ULK4: variants seen among roughly 807,000 people sequenced by gnomAD.
ULK4 encodes inactive serine/threonine-protein kinase ULK4.
In ULK4, 133 loss-of-function variants were observed where a neutral mutation model predicts 160.6. The ratio of observed to expected loss-of-function variants is 0.83; its 90% CI spans 0.72 to 0.96. The LOEUF is 0.96. Among genes scored for constraint, ULK4 ranks in the 40% least tolerant of loss-of-function variants. The pLI is 0.00. For missense variants in ULK4, 1,580 were observed against 1,499.5 expected (o/e 1.05, Z -0.89); for synonymous variants, 534 against 539.8 (o/e 0.99, Z 0.15).
intron 36 of ULK4, among the ~76,000 whole-genome samples, chr3:41,248,348 C>T (rs939150651): frequency 1.3e-5 from 2 of 152,174 alleles, no homozygotes; most frequent in Admixed American, 1.3e-4. Context: ...ACTGTTCACA[C>T]CTTACATGGC....
chr3:41,514,379 C>A (rs1171164753), intron 32 of ULK4, among the ~76,000 whole-genome samples: 3 of 152,066 alleles, frequency 2.0e-5, no homozygotes, highest in Non-Finnish European at 2.9e-5. Flanking sequence ...GGGGGTCGTG[C>A]GAAGCAAAGG....
chr3:41,509,988 C>T (rs888115664), intron 32 of ULK4, among the ~76,000 whole-genome samples: 5 of 152,116 alleles, frequency 3.3e-5, no homozygotes, highest in South Asian at 2.1e-4. Context: ...TCAGTACTAA[C>T]GTTGAATGTG....
In ULK4 at chr3:41,681,755, T is replaced by C. The variant is rs374223448; in HGVS notation, c.2831A>G (p.Asn944Ser). The C allele has an allele frequency of 3.7e-5, 60 of 1,614,098 alleles. No individual in the cohort carries two copies. The African/African-American group carries it at 6.8e-4, about 18-fold the overall frequency. ...PPLVSLVQSQ[N>S]VEWRLFSLRL... Reference sequence around the variant, plus strand: ...CTTGCTGGTGTCATCACACTTACCATTTTGGCTTTGAACCAAGGACACCAA... The same window carrying C: ...CTTGCTGGTGTCATCACACTTACCACTTTGGCTTTGAACCAAGGACACCAA... The change falls in exon 28 of 37, where the codon AAT becomes AGT. Residue 944 changes from asparagine (N) to serine (S), a missense_variant and splice_region_variant. Transcript: ENST00000301831.
chr3:41,553,490 T>C (rs1425019460), intron 32 of ULK4, among the ~76,000 whole-genome samples: 1 of 152,066 alleles, frequency 6.6e-6, no homozygotes, highest in Non-Finnish European at 1.5e-5. Context: ...TATGACAAAA[T>C]GCTTAACATC....
intron 1 of ULK4, 77 bp from the exon 2 acceptor site, chr3:41,954,884 G>A (rs2148846256): frequency 1.1e-6 from 1 of 886,812 alleles, no homozygotes; most frequent in Non-Finnish European, 1.6e-6. Flanking sequence ...ATTAGCCTAG[G>A]ATATTATATG....
intron 21 of ULK4, among the ~76,000 whole-genome samples, chr3:41,768,413 G>C (rs1030468228): frequency 1.3e-5 from 2 of 152,294 alleles, no homozygotes; most frequent in Admixed American, 6.5e-5. Flanking sequence ...AGTGGTAGAA[G>C]TGATGCTACA....
chr3:41,909,614 C>T (rs968577790), intron 11 of ULK4, among the ~76,000 whole-genome samples: 2 of 151,888 alleles, frequency 1.3e-5, no homozygotes, highest in East Asian at 3.9e-4. Flanking sequence ...ACTTGGGAGG[C>T]TGAGACATGA....
Position 41,691,943 on chromosome 3 carries a change from C to CTTTTTTTTT in ULK4, c.2782-10148_2782-10140dup, listed in dbSNP as rs751734628. On this transcript the variant is annotated intron_variant, in intron 27 of 36. Transcript: ENST00000301831. ...AAAAATTATCTTCATCAAATCACTT[C>CTTTTTTTTT]TTTTTTTTTTTTTTTTTTTTTTTTT... 5.2e-5 allele frequency among the ~76,000 whole-genome samples: 5 copies of CTTTTTTTTT among 96,352 alleles called. 1 individual carries two copies. Among genetic ancestry groups the CTTTTTTTTT allele is most frequent in the African/African-American group, 2.8e-4 (5 of 17,610 alleles). 63.2% of individuals were successfully genotyped at this position (96,352 alleles called of 152,430 possible).
chr3:41,937,563 T>G (rs1699820584), intron 3 of ULK4, among the ~76,000 whole-genome samples: 1 of 150,048 alleles, frequency 6.7e-6, no homozygotes, highest in Non-Finnish European at 1.5e-5. Flanking sequence ...ATTACATTTT[T>G]TCCCTGTTAA....
chr3:41,726,003 T>C (rs2037636783), intron 22 of ULK4, among the ~76,000 whole-genome samples: 1 of 152,198 alleles, frequency 6.6e-6, no homozygotes, highest in South Asian at 2.1e-4. Context: ...ATGGTTATCT[T>C]TTGGCAGTCA....
chr3:41,498,281 A>C (rs2085063526), intron 32 of ULK4, among the ~76,000 whole-genome samples: 1 of 152,254 alleles, frequency 6.6e-6, no homozygotes, highest in African/African-American at 2.4e-5. Flanking sequence ...TTGGGAATTA[A>C]GGAACATGTT....
intron 34 of ULK4, among the ~76,000 whole-genome samples, chr3:41,440,887 A>C (rs368278256): frequency 1.6e-4 from 24 of 152,176 alleles, no homozygotes; most frequent in African/African-American, 4.1e-4. Context: ...CCTTTCAAGA[A>C]AGTTTTCCAT....
At chr3:41,479,709 G>A (rs927527813) in intron 32 of ULK4, among the ~76,000 whole-genome samples, 2 of 152,248 alleles carry the variant, frequency 1.3e-5, no homozygotes, top group South Asian at 2.1e-4. Flanking sequence ...GTAGAGAGAC[G>A]TGGCATGCAG....
intron 34 of ULK4, among the ~76,000 whole-genome samples, chr3:41,413,045 T>C (rs1242734123): frequency 6.6e-6 from 1 of 152,136 alleles, no homozygotes; most frequent in Admixed American, 6.6e-5. Context: ...TTAATGGACT[T>C]ACAGCTCCAC....
chr3:41,363,016 G>C (rs933598341), intron 35 of ULK4, among the ~76,000 whole-genome samples: 1 of 152,246 alleles, frequency 6.6e-6, no homozygotes, highest in East Asian at 1.9e-4. Flanking sequence ...CTATTCTCCA[G>C]CCTTTGTAAT....
chr3:41,265,624 G>C (rs1207819119), intron 35 of ULK4, among the ~76,000 whole-genome samples: 2 of 152,202 alleles, frequency 1.3e-5, no homozygotes, highest in Non-Finnish European at 2.9e-5. Context: ...CATGGTGGCT[G>C]TTATTTTTGT....
intron 35 of ULK4, among the ~76,000 whole-genome samples, chr3:41,268,728 C>T (rs1162727452): frequency 1.3e-5 from 2 of 148,592 alleles, no homozygotes; most frequent in African/African-American, 5.0e-5. Context: ...ACGCTTGAAC[C>T]CGGGAGATGG....
At chr3:41,251,880 C>T (rs932349404) in intron 35 of ULK4, among the ~76,000 whole-genome samples, 13 of 152,312 alleles carry the variant, frequency 8.5e-5, no homozygotes, top group African/African-American at 3.1e-4. Context: ...GAGAATGAAT[C>T]AAGAAGAGCT....
chr3:41,530,616 A>G (rs1309206263), intron 32 of ULK4, among the ~76,000 whole-genome samples: 1 of 152,212 alleles, frequency 6.6e-6, no homozygotes, highest in Non-Finnish European at 1.5e-5. Flanking sequence ...GTTCTCTGCC[A>G]ACCTACAGAC....
Sources: allele counts gnomAD v4.1 joint callset (sites outside exome capture counted in the v4.1 genomes callset), GRCh38; gene constraint gnomAD v4.1.1; transcripts MANE v1.5; gene names NCBI Gene and HGNC (gene_info 2026-07-23, HGNC 2026-07-21).